Variants in SSH2 observed in about 807,000 individuals in gnomAD.
The protein encoded by SSH2 is slingshot protein phosphatase 2, also known as protein phosphatase Slingshot homolog 2.
In SSH2, 37 loss-of-function variants were observed where a neutral mutation model predicts 135.2. The observed-to-expected ratio is 0.27, with a 90% CI of 0.21 to 0.36. The LOEUF (loss-of-function observed/expected upper bound fraction) is 0.36. Ranked by LOEUF, SSH2 falls within the 10% of genes least tolerant of loss-of-function variation. The probability of loss-of-function intolerance (pLI) is 1.00; values close to 1 mark genes in which losing one functional copy is unlikely to be tolerated. For missense variants in SSH2, 1,408 were observed against 1,765.3 expected, an observed-to-expected ratio of 0.80 and a Z score of 3.63; for synonymous variants, 628 against 646.2, an observed-to-expected ratio of 0.97 and a Z score of 0.43.
At position 29,818,439 on chromosome 17, in the gene SSH2, G is replaced by A. The variant is rs944796627; in HGVS notation, c.145-24502C>T. 6.6e-5 allele frequency among the ~76,000 whole-genome samples: 10 copies of A among 151,732 alleles called. No homozygotes were observed. The East Asian group carries it at 1.5e-3, about 24-fold the overall frequency. On this transcript the variant is annotated intron_variant, in intron 2 of 15. Transcript: ENST00000540801. ...AATTTTTCGTATTTTTAGTAGAGAC[G>A]GGGTTTCACCATGTTAACCAGGATG...
In SSH2 at chr17:29,636,523, A is replaced by C. The variant is rs2150971102; in HGVS notation, c.1707T>G (p.Ile569Met). The C allele has an allele frequency of 3.7e-6, 6 of 1,614,192 alleles. No individual in the cohort carries two copies. Among genetic ancestry groups the C allele is most frequent in the Non-Finnish European group, 5.1e-6 (6 of 1,180,036 alleles). ...TGTCATTTAAGTTTAATTCATCCTC[A>C]ATCTGTCCAGCATGAAATTCCCTAG... ...FTSREFHAGQ[I>M]EDELNLNDIN... Residue 569 changes from isoleucine (I) to methionine (M), a missense_variant, in exon 15 of 16, where the codon ATT (isoleucine) becomes ATG (methionine). This residue lies in a region of SSH2 where 1,080 missense variants were observed against 1,144.5 expected (regional missense o/e 0.94). Coordinates refer to ENST00000540801, the MANE Select transcript of SSH2 (RefSeq NM_001282129.2).
chr17:29,915,870 T>G (rs2066872389), intron 1 of SSH2, among the ~76,000 whole-genome samples: 1 of 151,884 alleles, frequency 6.6e-6, no homozygotes, highest in Non-Finnish European at 1.5e-5. Context: ...AGGGTACATG[T>G]GCACAATGTG....
At chr17:29,859,681 T>A (rs1321559057) in intron 1 of SSH2, among the ~76,000 whole-genome samples, 1 of 152,226 alleles carries the variant, frequency 6.6e-6, no homozygotes, top group African/African-American at 2.4e-5. Flanking sequence ...ATTTTCTTTA[T>A]CCAGTCTATC....
chr17:29,842,616 A>G (rs1019251100), intron 2 of SSH2, among the ~76,000 whole-genome samples: 5 of 152,228 alleles, frequency 3.3e-5, no homozygotes, highest in African/African-American at 1.2e-4. Flanking sequence ...TTTTTAAAAG[A>G]AAATTATTTC....
At chr17:29,897,031 T>A (rs1214665055) in intron 1 of SSH2, among the ~76,000 whole-genome samples, 1 of 151,920 alleles carries the variant, frequency 6.6e-6, no homozygotes, top group African/African-American at 2.4e-5. Flanking sequence ...TATATATATA[T>A]TTATATAATT....
chr17:29,860,343 T>C (rs2065740102), intron 1 of SSH2, among the ~76,000 whole-genome samples: 1 of 152,174 alleles, frequency 6.6e-6, no homozygotes, highest in Non-Finnish European at 1.5e-5. Context: ...GATTTGCATT[T>C]CTCTAATGAT....
chr17:29,702,590 G>A (rs2039030488), intron 4 of SSH2, among the ~76,000 whole-genome samples: 1 of 152,224 alleles, frequency 6.6e-6, no homozygotes, highest in Non-Finnish European at 1.5e-5. Flanking sequence ...AGGAGGTGGA[G>A]GTTGCAGTGA....
intron 5 of SSH2, among the ~76,000 whole-genome samples, chr17:29,690,404 CAA>C (rs1272605484): frequency 9.4e-4 from 85 of 90,220 alleles, no homozygotes; most frequent in African/African-American, 1.4e-3. Context: ...AACTCTGTCT[CAA>C]AAAAAAAAAA....
chr17:29,683,272 C>T (rs182921128), intron 6 of SSH2, among the ~76,000 whole-genome samples: 175 of 152,110 alleles, frequency 1.2e-3, no homozygotes, highest in African/African-American at 4.1e-3. Context: ...CAAAGTCTTC[C>T]GAAGGTTTCT....
In SSH2 at chr17:29,808,364, G is replaced by T. The variant is rs9897435; in HGVS notation, c.145-14427C>A. Among the ~76,000 whole-genome samples, 999 of 152,260 alleles carry T rather than the reference G, an allele frequency of 6.6e-3. 6 individuals carry two copies. The highest frequency in any genetic ancestry group is 0.023 in the African/African-American group (957 of 41,562). On this transcript the variant is annotated intron_variant, in intron 2 of 15. Coordinates refer to ENST00000540801, the MANE Select transcript of SSH2 (RefSeq NM_001282129.2). ...GGCTGGTCTCGAACTCCTGACCTCA[G>T]GTGATCCGCCCGCCTCGGCCTCCCA...
intron 4 of SSH2, among the ~76,000 whole-genome samples, chr17:29,701,193 G>A (rs1025728416): frequency 1.3e-5 from 2 of 151,870 alleles, no homozygotes; most frequent in African/African-American, 2.4e-5. Flanking sequence ...GGATGGTCTC[G>A]ATCTCCTGAC....
intron 1 of SSH2, among the ~76,000 whole-genome samples, chr17:29,920,760 C>T (rs2066963302): frequency 6.6e-6 from 1 of 151,978 alleles, no homozygotes; most frequent in African/African-American, 2.4e-5. Flanking sequence ...ATATTTCTAT[C>T]CTTATTGACG....
intron 2 of SSH2, among the ~76,000 whole-genome samples, chr17:29,797,256 A>C (rs1206650522): frequency 6.6e-6 from 1 of 152,050 alleles, no homozygotes; most frequent in African/African-American, 2.4e-5. Flanking sequence ...CATTTCCATC[A>C]CCTCAGAAAT....
chr17:29,725,687 G>A (rs985974514), intron 3 of SSH2, among the ~76,000 whole-genome samples: 8 of 152,180 alleles, frequency 5.3e-5, no homozygotes, highest in Non-Finnish European at 1.0e-4. Flanking sequence ...TCATAAGTGG[G>A]AGTTGAACAA....
intron 14 of SSH2, among the ~76,000 whole-genome samples, chr17:29,637,260 G>C (rs2035949167): frequency 6.6e-6 from 1 of 152,054 alleles, no homozygotes; most frequent in Non-Finnish European, 1.5e-5. Flanking sequence ...CACCATGCCT[G>C]GCTAATTTTT....
intron 14 of SSH2, chr17:29,641,745 T>C (rs1239615064): frequency 6.6e-6 from 1 of 152,182 alleles, no homozygotes; most frequent in South Asian, 2.1e-4. Context: ...AGTCGTCCCA[T>C]TATCTTGCCT....
intron 1 of SSH2, among the ~76,000 whole-genome samples, chr17:29,862,652 T>C (rs1482486882): frequency 2.0e-5 from 3 of 152,196 alleles, no homozygotes; most frequent in Non-Finnish European, 2.9e-5. Flanking sequence ...TCTTAGCAGC[T>C]TGGCCTGTCA....
At chr17:29,857,723 C>A (rs183616315) in intron 1 of SSH2, among the ~76,000 whole-genome samples, 2 of 152,334 alleles carry the variant, frequency 1.3e-5, no homozygotes, top group East Asian at 3.9e-4. Flanking sequence ...TGGGCTCAAA[C>A]AATCCTCCTG....
At chr17:29,656,149 T>C (rs2151011223) in intron 11 of SSH2, among the ~76,000 whole-genome samples, 1 of 152,342 alleles carries the variant, frequency 6.6e-6, no homozygotes, top group Non-Finnish European at 1.5e-5. Flanking sequence ...AGCATTATTA[T>C]GCATTGAACT....
Sources: allele counts gnomAD v4.1 joint callset (sites outside exome capture counted in the v4.1 genomes callset), GRCh38; gene constraint gnomAD v4.1.1; regional missense constraint gnomAD v4.1.1; transcripts MANE v1.5; gene names NCBI Gene and HGNC (gene_info 2026-07-23, HGNC 2026-07-21).